ERCC2: variants seen among roughly 807,000 people sequenced by gnomAD.
The protein encoded by ERCC2 is general transcription and DNA repair factor IIH helicase subunit XPD.
A neutral mutation model predicts 99.4 loss-of-function variants in ERCC2; 90 were observed. That is an observed-to-expected ratio of 0.91 (90% CI 0.76 to 1.08). ERCC2 has a LOEUF of 1.08. Among genes scored for constraint, ERCC2 ranks in the 50% least tolerant of loss-of-function variants. The probability of loss-of-function intolerance (pLI) is 0.00; values close to 1 mark genes in which losing one functional copy is unlikely to be tolerated. For missense variants in ERCC2, 993 were observed against 1,038.1 expected (o/e 0.96, Z 0.60); for synonymous variants, 497 against 432.4 (o/e 1.15, Z -1.85).
At position 45,352,653 on chromosome 19, in the gene ERCC2, C is replaced by G; in HGVS notation, c.1903-4G>C. The G allele has an allele frequency of 6.2e-7, 1 of 1,614,010 alleles. No individual in the cohort carries two copies. Among genetic ancestry groups the G allele is most frequent in the Non-Finnish European group, 8.5e-7 (1 of 1,180,034 alleles). Reference sequence around the variant, plus strand: ...CCCGCAGGTATTCCAGCCGCGCCTGCAGATACGGAGGATGAGAAGCTGGGG... The same window carrying G: ...CCCGCAGGTATTCCAGCCGCGCCTGGAGATACGGAGGATGAGAAGCTGGGG... On this transcript the variant is annotated splice_region_variant and splice_polypyrimidine_tract_variant and intron_variant, in intron 20 of 22. Transcript: ENST00000391945.
At position 45,355,731 on chromosome 19, in the gene ERCC2, G is replaced by A; in HGVS notation, c.1480-3C>T. 1.2e-6 allele frequency: 2 copies of A among 1,613,952 alleles called. No individual in the cohort carries two copies. The highest frequency in any genetic ancestry group is 1.7e-6 in the Non-Finnish European group (2 of 1,179,926). ...TGGTCATTGCCACGGCCGATGATCT[G>A]GAGAGCAACAGAGGTCACGATAAGC... On this transcript the variant is annotated splice_polypyrimidine_tract_variant and splice_region_variant and intron_variant, in intron 15 of 22. Coordinates refer to ENST00000391945, the MANE Select transcript of ERCC2 (RefSeq NM_000400.4).
intron 17 of ERCC2, among the ~76,000 whole-genome samples, chr19:45,353,569 C>T (rs1052904264): frequency 6.6e-6 from 1 of 152,132 alleles, no homozygotes; most frequent in Non-Finnish European, 1.5e-5. Context: ...AGCGGGTGGC[C>T]AATCAGGGCA....
At position 45,351,695 on chromosome 19, in the gene ERCC2, G is replaced by T. The variant is rs758167859; in HGVS notation, c.2217C>A (p.Leu739=). 6.2e-7 allele frequency: 1 copy of T among 1,613,930 alleles called. No individual in the cohort carries two copies. Among genetic ancestry groups the T allele is most frequent in the South Asian group, 1.1e-5 (1 of 91,070 alleles). The part of the protein sequence containing the change: ...HREDQLGLSL[L]SLEQLESEET... ...CCTCTGATTCTAGCTGCTCCAGGCTGAGCAGGGACAGGCCCAGCTGATCCT... is the reference window on the plus strand; with the variant it reads ...CCTCTGATTCTAGCTGCTCCAGGCTTAGCAGGGACAGGCCCAGCTGATCCT... The change falls in exon 23 of 23, where the codon CTC becomes CTA. Residue 739 remains leucine (L), a synonymous_variant. Transcript: ENST00000391945.
intron 17 of ERCC2, 84 bp downstream of exon 17, chr19:45,354,646 A>T: frequency 6.4e-7 from 1 of 1,559,472 alleles, no homozygotes. Flanking sequence ...TCACCATCAG[A>T]GTGTGAGAGG....
At position 45,351,363 on chromosome 19, in the gene ERCC2, A is replaced by C. The variant is rs745359111; in HGVS notation, c.*266T>G. ...AGGACCTGAGCCCCCACTAACGTCCAGTGAACTGCGCTGGCCGCAGCTTCT... is the reference window on the plus strand; with the variant it reads ...AGGACCTGAGCCCCCACTAACGTCCCGTGAACTGCGCTGGCCGCAGCTTCT... On this transcript the variant is annotated 3_prime_UTR_variant, in exon 23 of 23. Coordinates refer to ENST00000391945, the MANE Select transcript of ERCC2 (RefSeq NM_000400.4). 1.2e-6 allele frequency: 2 copies of C among 1,610,138 alleles called. No individual in the cohort carries two copies. Among genetic ancestry groups the C allele is most frequent in the East Asian group, 2.2e-5 (1 of 44,870 alleles).
chr19:45,351,546 T>G lies in ERCC2; in HGVS notation c.*83A>C, dbSNP rs974930888. On this transcript the variant is annotated 3_prime_UTR_variant, in exon 23 of 23. Transcript: ENST00000391945. The stretch of plus-strand genomic sequence containing the variant: ...AAATGTCACCTGACTTCATAAGACC[T>G]TCTAGCACCACCGCCGCTGGGAACC... 2 of 1,606,418 alleles carry G rather than the reference T, an allele frequency of 1.2e-6. No individual in the cohort carries two copies. The highest frequency in any genetic ancestry group is 3.3e-5 in the Admixed American group (2 of 60,008).
At chr19:45,355,039 G>A (rs1008472854) in intron 16 of ERCC2, among the ~76,000 whole-genome samples, 188 bp from the exon 17 acceptor site, 1 of 152,198 alleles carries the variant, frequency 6.6e-6, no homozygotes. Flanking sequence ...ACCTGGCTAT[G>A]TGATTTGCCA....
chr19:45,367,980 C>A (rs1170191558), intron 5 of ERCC2, among the ~76,000 whole-genome samples: 1 of 151,630 alleles, frequency 6.6e-6, no homozygotes, highest in Non-Finnish European at 1.5e-5. Flanking sequence ...TCACTGCAAC[C>A]TCTGCCTCCT....
chr19:45,351,865 G>C lies in ERCC2; in HGVS notation c.2191-144C>G, dbSNP rs530662943. 1.5e-5 allele frequency: 11 copies of C among 747,734 alleles called. No homozygotes were observed. The South Asian group carries it at 1.9e-4, about 13-fold the overall frequency. The allele number at this position is 747,734 out of a possible 1,614,324, so 46.3% of individuals were successfully genotyped here. ...TGGAGATGTCCGTATAATCCAGAGC[G>C]GGCCATCCCTGTCAACATAAGATGG... On this transcript the variant is annotated intron_variant, in intron 22 of 22. Transcript: ENST00000391945.
chr19:45,364,657 G>C, intron 7 of ERCC2, 110 bp from the exon 8 acceptor site: 1 of 1,520,972 alleles, frequency 6.6e-7, no homozygotes, highest in Non-Finnish European at 9.0e-7. Flanking sequence ...GGCAGACACA[G>C]GCCAGGCAGA....
Position 45,353,133 on chromosome 19 carries a change from G to GC in ERCC2, c.1780dup (p.Ala594GlyfsTer55). 1 of 1,613,656 alleles carries GC rather than the reference G, an allele frequency of 6.2e-7. No individual in the cohort carries two copies. Among genetic ancestry groups the GC allele is most frequent in the East Asian group, 2.2e-5 (1 of 44,872 alleles). On this transcript the variant is annotated frameshift_variant, in exon 19 of 23. Coordinates refer to ENST00000391945, the MANE Select transcript of ERCC2 (RefSeq NM_000400.4). LOFTEE classifies it high-confidence loss of function. ...GCCCCGGGCCACTGACAGCAGGATG[G>GC]CCCCGCGGCCATTCTCGCAGGCCTG... is the stretch of plus-strand genomic sequence containing the variant.
intron 16 of ERCC2, among the ~76,000 whole-genome samples, chr19:45,355,372 G>A (rs978128889): frequency 3.9e-5 from 6 of 152,170 alleles, no homozygotes; most frequent in African/African-American, 1.4e-4. Flanking sequence ...AAGGCCATGT[G>A]TCACTTCCAG....
chr19:45,351,801 C>G, intron 22 of ERCC2, 80 bp from the exon 23 acceptor site: 3 of 1,254,030 alleles, frequency 2.4e-6, no homozygotes, highest in South Asian at 1.2e-5. Context: ...CCAACCACCC[C>G]CCCGAATGGC....
intron 5 of ERCC2, among the ~76,000 whole-genome samples, chr19:45,365,572 T>A (rs548836227): frequency 1.3e-5 from 2 of 150,072 alleles, no homozygotes; most frequent in African/African-American, 4.9e-5. Flanking sequence ...GATCGTGCCA[T>A]AGCACTCCAG....
intron 5 of ERCC2, among the ~76,000 whole-genome samples, chr19:45,367,510 G>A (rs1180979466): frequency 7.2e-6 from 1 of 139,192 alleles, no homozygotes; most frequent in South Asian, 2.3e-4. Context: ...CTGGCACACA[G>A]TGAGTACAAT....
At position 45,352,350 on chromosome 19, in the gene ERCC2, C is replaced by T. The variant is rs1971834921; in HGVS notation, c.2049G>A (p.Arg683=). ...DYGLMVFADK[R]FARGDKRGKL... is the part of the protein sequence containing the mutation. ...TCCCCCGCTTGTCCCCACGGGCAAA[C>T]CGCTGTGGGCAGAAGCGCAGGCCAG... The change falls in exon 22 of 23, where the codon CGG becomes CGA. Residue 683 remains arginine, a splice_region_variant and synonymous_variant. Coordinates refer to ENST00000391945, the MANE Select transcript of ERCC2 (RefSeq NM_000400.4). 6.2e-7 allele frequency: 1 copy of T among 1,613,952 alleles called. No individual in the cohort carries two copies. Among genetic ancestry groups the T allele is most frequent in the African/African-American group, 1.3e-5 (1 of 75,028 alleles).
intron 11 of ERCC2, chr19:45,361,856 C>T (rs1433893440): frequency 3.4e-6 from 2 of 581,092 alleles, no homozygotes; most frequent in African/African-American, 1.8e-5. Context: ...ACAGACAGAG[C>T]AATAATCAGA....
intron 17 of ERCC2, 138 bp from the exon 18 acceptor site, chr19:45,353,472 A>C: frequency 2.9e-6 from 2 of 690,742 alleles, no homozygotes; most frequent in Non-Finnish European, 5.3e-6. Flanking sequence ...GGGAGGGTGG[A>C]ATTGTCCAAC....
chr19:45,351,915 A>T (rs1403389413), intron 22 of ERCC2, among the ~76,000 whole-genome samples, 194 bp from the exon 23 acceptor site: 1 of 152,152 alleles, frequency 6.6e-6, no homozygotes, highest in East Asian at 1.9e-4. Flanking sequence ...CCAGCTAGGG[A>T]GTCGGAGAAG....
Sources: gnomAD v4.1 joint callset for allele counts (sites outside exome capture counted in the v4.1 genomes callset) on GRCh38, gnomAD v4.1.1 for gene constraint, MANE v1.5 for transcripts, NCBI Gene and HGNC (gene_info 2026-07-23, HGNC 2026-07-21) for gene names.